The following SH3RF3 variants were observed in gnomAD, a reference collection of about 807,000 sequenced individuals.
SH3RF3 encodes E3 ubiquitin-protein ligase SH3RF3.
In SH3RF3, 29 loss-of-function variants were observed where a neutral mutation model predicts 66.3. That is an observed-to-expected ratio of 0.44 (90% CI 0.33 to 0.60). The LOEUF is 0.60. Ranked by LOEUF, SH3RF3 falls within the 20% of genes least tolerant of loss-of-function variation. The pLI is 0.04. For missense variants in SH3RF3, 1,194 were observed against 1,190.9 expected (o/e 1.00, Z -0.04); for synonymous variants, 583 against 532.0 (o/e 1.10, Z -1.32).
At chr2:109,445,449 T>A (rs1677677754) in intron 7 of SH3RF3, among the ~76,000 whole-genome samples, 2 of 152,128 alleles carry the variant, frequency 1.3e-5, no homozygotes, top group Non-Finnish European at 2.9e-5. Flanking sequence ...CAGATACAGA[T>A]TACTTACATA....
At chr2:109,372,465 G>A (rs1683294329) in intron 3 of SH3RF3, among the ~76,000 whole-genome samples, 1 of 152,174 alleles carries the variant, frequency 6.6e-6, no homozygotes, top group South Asian at 2.1e-4. Flanking sequence ...CCATAAGAGT[G>A]GCTTCAGTGA....
At chr2:109,429,523 G>T (rs548429568) in intron 5 of SH3RF3, among the ~76,000 whole-genome samples, 18 of 152,272 alleles carry the variant, frequency 1.2e-4, no homozygotes, top group African/African-American at 4.1e-4. Flanking sequence ...CTCCCTACGC[G>T]TTGGCCACAC....
chr2:109,441,132 C>CAAAAAAAAAAAAAAA (rs55649222), intron 7 of SH3RF3, among the ~76,000 whole-genome samples: 12 of 134,042 alleles, frequency 9.0e-5, no homozygotes, highest in African/African-American at 3.6e-4. Flanking sequence ...TATAGGAATA[C>CAAAAAAAAAAAAAAA]AAAAAAAAAA....
chr2:109,295,478 G>A (rs1036117864), intron 1 of SH3RF3, among the ~76,000 whole-genome samples: 1 of 152,230 alleles, frequency 6.6e-6, no homozygotes, highest in African/African-American at 2.4e-5. Flanking sequence ...GGGAGGTGAG[G>A]CTGGGAAAGG....
chr2:109,374,685 A>G (rs558123518), intron 3 of SH3RF3, among the ~76,000 whole-genome samples: 1 of 152,300 alleles, frequency 6.6e-6, no homozygotes, highest in East Asian at 1.9e-4. Flanking sequence ...CTAAGAGGAT[A>G]TCTTCTTTCA....
chr2:109,254,869 T>C (rs1222803069), intron 1 of SH3RF3, among the ~76,000 whole-genome samples: 1 of 152,088 alleles, frequency 6.6e-6, no homozygotes, highest in Non-Finnish European at 1.5e-5. Context: ...ATGTCCGAAT[T>C]CTCACGGGTG....
chr2:109,326,925 C>A (rs770757166), intron 1 of SH3RF3, among the ~76,000 whole-genome samples: 2 of 152,204 alleles, frequency 1.3e-5, no homozygotes, highest in Non-Finnish European at 2.9e-5. Flanking sequence ...CTCTACCATT[C>A]GGTTCCAGTT....
intron 1 of SH3RF3, among the ~76,000 whole-genome samples, chr2:109,228,439 A>G (rs1679424876): frequency 6.6e-6 from 1 of 152,208 alleles, no homozygotes; most frequent in Non-Finnish European, 1.5e-5. Context: ...AACACTTCTG[A>G]TACCAGATGT....
At chr2:109,494,197 G>C (rs915594227) in intron 9 of SH3RF3, among the ~76,000 whole-genome samples, 12 of 152,206 alleles carry the variant, frequency 7.9e-5, no homozygotes, top group African/African-American at 2.7e-4. Context: ...TTTCTATAAA[G>C]TCATGGGCAT....
At chr2:109,379,580 C>T (rs77534046) in intron 3 of SH3RF3, among the ~76,000 whole-genome samples, 4,775 of 152,266 alleles carry the variant, frequency 0.031, 240 homozygotes, top group African/African-American at 0.1. Context: ...CCAGGGAACG[C>T]TGGGGAAGAT....
chr2:109,467,939 T>G (rs779312569), intron 8 of SH3RF3, among the ~76,000 whole-genome samples: 15 of 152,148 alleles, frequency 9.9e-5, no homozygotes, highest in Non-Finnish European at 1.9e-4. Context: ...GTGAACATGC[T>G]CCACCTCCAT....
chr2:109,272,986 T>C (rs1680664996), intron 1 of SH3RF3, among the ~76,000 whole-genome samples: 1 of 152,156 alleles, frequency 6.6e-6, no homozygotes, highest in Non-Finnish European at 1.5e-5. Flanking sequence ...CTGGAAGAAA[T>C]TAAAACAGGG....
chr2:109,436,240 T>C (rs1244660156), intron 6 of SH3RF3, among the ~76,000 whole-genome samples: 1 of 152,184 alleles, frequency 6.6e-6, no homozygotes, highest in Non-Finnish European at 1.5e-5. Flanking sequence ...AACTCTGCCA[T>C]ATTTCACATC....
intron 1 of SH3RF3, among the ~76,000 whole-genome samples, chr2:109,306,196 G>A (rs762880626): frequency 1.3e-5 from 2 of 152,234 alleles, no homozygotes; most frequent in Admixed American, 6.5e-5. Flanking sequence ...AGAGCAGACC[G>A]TCTTTCAGAA....
intron 3 of SH3RF3, among the ~76,000 whole-genome samples, chr2:109,378,238 G>T (rs1683434497): frequency 6.6e-6 from 1 of 152,208 alleles, no homozygotes; most frequent in Non-Finnish European, 1.5e-5. Context: ...CTGGGTCAGG[G>T]AGCTGGCTCA....
chr2:109,380,696 C>T (rs991786693), intron 3 of SH3RF3, among the ~76,000 whole-genome samples: 6 of 152,168 alleles, frequency 3.9e-5, no homozygotes, highest in African/African-American at 1.4e-4. Flanking sequence ...CAGGGCCTGG[C>T]GAAGGGGCAC....
intron 1 of SH3RF3, among the ~76,000 whole-genome samples, chr2:109,200,582 G>A (rs903369225): frequency 6.6e-6 from 1 of 152,072 alleles, no homozygotes; most frequent in Non-Finnish European, 1.5e-5. Flanking sequence ...AGGCACCGCC[G>A]ACCTTTTCCA....
In SH3RF3 at chr2:109,170,491, G is replaced by A. The variant is rs537250717; in HGVS notation, c.573+40378G>A. On this transcript the variant is annotated intron_variant, in intron 1 of 9. Transcript: ENST00000309415. The stretch of plus-strand genomic sequence containing the variant: ...CTCCTGAGTAGCTGGGACTGCAGGC[G>A]CACACCACCATGCCTGGCTAATTTT... 8.6e-5 allele frequency among the ~76,000 whole-genome samples: 13 copies of A among 152,044 alleles called. No homozygotes were observed. In the South Asian group the frequency reaches 1.5e-3, roughly 17 times the overall value.
At chr2:109,498,208 A>G (rs1401972301) in intron 9 of SH3RF3, among the ~76,000 whole-genome samples, 1 of 152,290 alleles carries the variant, frequency 6.6e-6, no homozygotes, top group Non-Finnish European at 1.5e-5. Flanking sequence ...CAGATAGCCC[A>G]TGGGAACCAG....
Sources: allele counts gnomAD v4.1 joint callset (sites outside exome capture counted in the v4.1 genomes callset), GRCh38; gene constraint gnomAD v4.1.1; transcripts MANE v1.5; gene names NCBI Gene and HGNC (gene_info 2026-07-23, HGNC 2026-07-21).